PIEZO2: variants seen among roughly 807,000 people sequenced by gnomAD.
The protein encoded by PIEZO2 is piezo type mechanosensitive ion channel component 2.
PIEZO2 carries 172 observed loss-of-function variants against 337.3 expected under a neutral mutation model. The observed-to-expected ratio is 0.51, with a 90% confidence interval of 0.45 to 0.58. The LOEUF (loss-of-function observed/expected upper bound fraction) is 0.58. Among genes scored for constraint, PIEZO2 ranks in the 20% least tolerant of loss-of-function variants. The pLI is 0.00. For synonymous variants in PIEZO2, 1,251 were observed against 1,228.5 expected, an observed-to-expected ratio of 1.02 and a Z score of -0.38; for missense variants, 3,028 against 3,391.3, an observed-to-expected ratio of 0.89 and a Z score of 2.66.
intron 44 of PIEZO2, 33 bp downstream of exon 44, chr18:10,698,892 A>G: frequency 6.5e-7 from 1 of 1,533,338 alleles, no homozygotes; most frequent in Non-Finnish European, 8.7e-7. Flanking sequence ...CTGGGAGCTA[A>G]CTACAGCCTA....
At chr18:10,997,666 T>C (rs2035375475) in intron 2 of PIEZO2, among the ~76,000 whole-genome samples, 1 of 152,126 alleles carries the variant, frequency 6.6e-6, no homozygotes, top group Non-Finnish European at 1.5e-5. Flanking sequence ...AGCAGAGTGG[T>C]AATGACAAAA....
rs1022329934 is a variant in PIEZO2, at chr18:10,696,171, G to A, written c.7093C>T (p.Leu2365Phe). The change falls in exon 47 of 56, where the codon CTC (leucine) becomes TTC (phenylalanine). Residue 2365 changes from leucine (L) to phenylalanine (F), a missense_variant. This residue lies in a region of PIEZO2 where 179 missense variants were observed against 281.8 expected (regional missense o/e 0.64). Transcript: ENST00000674853. Reference protein sequence around the residue: ...GTMVVDRALYLRKTVLGKVIF... With the variant: ...GTMVVDRALYFRKTVLGKVIF... The stretch of plus-strand genomic sequence containing the variant: ...ACCTTTCCCAGTACAGTCTTCCTGA[G>A]GTAGAGGGCTCGGTCCACCACCATG... The A allele has an allele frequency of 6.2e-7, 1 of 1,614,132 alleles. No individual in the cohort carries two copies. Among genetic ancestry groups the A allele is most frequent in the Non-Finnish European group, 8.5e-7 (1 of 1,179,950 alleles).
intron 47 of PIEZO2, among the ~76,000 whole-genome samples, chr18:10,694,451 G>T (rs2034995812): frequency 6.6e-6 from 1 of 152,046 alleles, no homozygotes; most frequent in African/African-American, 2.4e-5. Context: ...ATAAGACTTG[G>T]CTACAAATGA....
At chr18:10,958,832 T>C (rs1338622522) in intron 3 of PIEZO2, among the ~76,000 whole-genome samples, 1 of 152,176 alleles carries the variant, frequency 6.6e-6, no homozygotes. Context: ...GGTATAAATT[T>C]GGCCACTTTG....
Position 10,895,135 on chromosome 18 carries a change from G to C in PIEZO2, c.329+16051C>G, listed in dbSNP as rs892843958. On this transcript the variant is annotated intron_variant, in intron 4 of 55. Coordinates refer to ENST00000674853, the MANE Select transcript of PIEZO2 (RefSeq NM_001378183.1). The surrounding 1 kb of genome is among the most constrained non-coding windows in gnomAD (Gnocchi z 4.8). ...GCCACTGGCTTCTAGCTCCCACCAG[G>C]TTATTTGGTAGAAAGTCAACAGCCT... Among the ~76,000 whole-genome samples, 3 of 152,140 alleles carry C rather than the reference G, an allele frequency of 2.0e-5. No homozygotes were observed. The highest frequency in any genetic ancestry group is 4.4e-5 in the Non-Finnish European group (3 of 68,028).
chr18:10,763,355 TA>T, intron 21 of PIEZO2: 1 of 448,354 alleles, frequency 2.2e-6, no homozygotes, highest in South Asian at 3.3e-5. Context: ...CTGGCTAAGC[TA>T]TCAATGTGGG....
chr18:10,701,834 C>T (rs2035347880), intron 43 of PIEZO2, 155 bp downstream of exon 43: 1 of 455,854 alleles, frequency 2.2e-6, no homozygotes, highest in Non-Finnish European at 3.5e-6. Flanking sequence ...TTTTCTCTCT[C>T]TTTTTTTTTT....
intron 2 of PIEZO2, among the ~76,000 whole-genome samples, chr18:11,013,133 T>A (rs1250351872): frequency 2.0e-5 from 3 of 152,254 alleles, no homozygotes; most frequent in Non-Finnish European, 4.4e-5. Flanking sequence ...TATGTTACTT[T>A]ACAATGCAAA....
intron 21 of PIEZO2, among the ~76,000 whole-genome samples, chr18:10,769,266 G>GAATCTC (rs1403829716): frequency 6.6e-6 from 1 of 152,154 alleles, no homozygotes; most frequent in African/African-American, 2.4e-5. Flanking sequence ...ATTTCCCCAC[G>GAATCTC]AATCTCGCAG....
chr18:10,710,542 T>G (rs1275057457), intron 39 of PIEZO2, among the ~76,000 whole-genome samples: 1 of 152,264 alleles, frequency 6.6e-6, no homozygotes, highest in African/African-American at 2.4e-5. Context: ...TTTTGCCATT[T>G]TACATCTGGA....
At position 10,833,494 on chromosome 18, in the gene PIEZO2, C is replaced by T. The variant is rs890269104; in HGVS notation, c.917+21859G>A. On this transcript the variant is annotated intron_variant, in intron 7 of 55. Transcript: ENST00000674853. The surrounding 1 kb of genome is among the most constrained non-coding windows in gnomAD (Gnocchi z 4.7). The stretch of plus-strand genomic sequence containing the variant: ...CAGAACATGCAGGCAGCTCGCTCCC[C>T]GGTGGGTTTTTATTTCTGTTGGAGT... Among the ~76,000 whole-genome samples the T allele has an allele frequency of 6.6e-6, 1 of 152,084 alleles. No individual in the cohort carries two copies. Among genetic ancestry groups the T allele is most frequent in the Non-Finnish European group, 1.5e-5 (1 of 68,014 alleles).
At position 10,702,085 on chromosome 18, in the gene PIEZO2, G is replaced by A; in HGVS notation, c.6345C>T (p.His2115=). ...NVEVNKDKPY[H]PPNIIGVEKK... Reference sequence around the variant, plus strand: ...TTTCCACTCCTATGATGTTTGGGGGGTGATACGGTTTATCTTTGTTCACCT... The same window carrying A: ...TTTCCACTCCTATGATGTTTGGGGGATGATACGGTTTATCTTTGTTCACCT... The change falls in exon 43 of 56, where the codon CAC becomes CAT. Residue 2115 remains histidine (H), a synonymous_variant. Coordinates refer to ENST00000674853, the MANE Select transcript of PIEZO2 (RefSeq NM_001378183.1). 1.3e-6 allele frequency: 2 copies of A among 1,537,022 alleles called. No homozygotes were observed. Among genetic ancestry groups the A allele is most frequent in the Non-Finnish European group, 1.7e-6 (2 of 1,146,808 alleles).
chr18:10,960,227 T>C (rs1026473820), intron 3 of PIEZO2, among the ~76,000 whole-genome samples: 1 of 152,184 alleles, frequency 6.6e-6, no homozygotes, highest in African/African-American at 2.4e-5. Context: ...CAACCAAATA[T>C]TCTAGAACTA....
chr18:10,807,834 T>C (rs1458907306), intron 7 of PIEZO2, among the ~76,000 whole-genome samples: 1 of 152,252 alleles, frequency 6.6e-6, no homozygotes, highest in East Asian at 1.9e-4. Context: ...ATGAGCAATT[T>C]GATTTTTTCA....
At chr18:10,901,436 A>G (rs866782401) in intron 4 of PIEZO2, among the ~76,000 whole-genome samples, 3,190 of 149,362 alleles carry the variant, frequency 0.021, 87 homozygotes, top group African/African-American at 0.067. Flanking sequence ...ACACGCACAC[A>G]CACACACACA....
chr18:10,731,701 A>G (rs1401094474), intron 35 of PIEZO2, among the ~76,000 whole-genome samples, 180 bp from the exon 36 acceptor site: 3 of 151,986 alleles, frequency 2.0e-5, no homozygotes, highest in African/African-American at 7.2e-5. Context: ...CAGATGTTGT[A>G]GTAATATATT....
At chr18:10,702,290 T>A in intron 42 of PIEZO2, 119 bp from the exon 43 acceptor site, 1 of 929,376 alleles carries the variant, frequency 1.1e-6, no homozygotes, top group Non-Finnish European at 1.6e-6. Context: ...GTTTTGATGG[T>A]AGGCAGGCAC....
At chr18:11,082,837 A>C (rs1288173544) in intron 1 of PIEZO2, among the ~76,000 whole-genome samples, 7 of 152,312 alleles carry the variant, frequency 4.6e-5, no homozygotes, top group African/African-American at 1.4e-4. Context: ...TTTTCTTTAA[A>C]AAGTACACCC....
intron 2 of PIEZO2, among the ~76,000 whole-genome samples, chr18:11,049,743 T>C (rs948347654): frequency 6.6e-6 from 1 of 152,204 alleles, no homozygotes; most frequent in Non-Finnish European, 1.5e-5. Flanking sequence ...CCTTCTGTCT[T>C]GCCTGCCACC....
Sources: gnomAD v4.1 joint callset for allele counts (sites outside exome capture counted in the v4.1 genomes callset) on GRCh38, gnomAD v4.1.1 for gene constraint, gnomAD v4.1.1 regional missense constraint, Gnocchi (gnomAD v3.1) non-coding constraint, MANE v1.5 for transcripts, NCBI Gene and HGNC (gene_info 2026-07-23, HGNC 2026-07-21) for gene names.